Variants in OPCML observed in about 807,000 individuals in gnomAD.
OPCML encodes the protein opioid-binding protein/cell adhesion molecule.
OPCML carries 13 observed loss-of-function variants against 37.8 expected under a neutral mutation model. That is an observed-to-expected ratio of 0.34 (90% confidence interval 0.22 to 0.55). The LOEUF is 0.55. OPCML is among the 20% of genes least tolerant of loss of function. OPCML has a pLI of 0.91. For synonymous variants in OPCML, 176 were observed against 168.8 expected (o/e 1.04, Z -0.33); for missense variants, 341 against 435.6 (o/e 0.78, Z 1.93).
At chr11:133,458,902 T>TAC (rs1192872564) in intron 1 of OPCML, among the ~76,000 whole-genome samples, 3 of 150,914 alleles carry the variant, frequency 2.0e-5, no homozygotes, top group African/African-American at 7.3e-5. Flanking sequence ...TGTATATATA[T>TAC]ACACATATAT....
chr11:133,268,506 A>G (rs1169393630), intron 1 of OPCML, among the ~76,000 whole-genome samples: 1 of 152,250 alleles, frequency 6.6e-6, no homozygotes, highest in African/African-American at 2.4e-5. Context: ...GCTGATAATA[A>G]AATGTCTAGC....
In OPCML at chr11:132,638,186, T is replaced by TATATATATATATATAC. The variant is rs71067383; in HGVS notation, c.379+18900_379+18901insGTATATATATATATAT. ...GACTATATATATATATATATATATATACAGAGAGAGAGAGAGCATATATAC... is the reference window on the plus strand; with the variant it reads ...GACTATATATATATATATATATATATATATATATATATATACACAGAGAGAGAGAGAGCATATATAC... On this transcript the variant is annotated intron_variant, in intron 3 of 7. Transcript: ENST00000524381. 2.8e-3 allele frequency among the ~76,000 whole-genome samples: 370 copies of TATATATATATATATAC among 130,964 alleles called. 7 individuals are homozygous for TATATATATATATATAC. The highest frequency in any genetic ancestry group is 0.012 in the South Asian group (46 of 3,812). The allele number at this position is 130,964 out of a possible 152,430, so 85.9% of individuals were successfully genotyped here. A position where few individuals can be genotyped will look rare whatever the true frequency, so the allele number is the denominator to read the frequency against.
chr11:132,839,514 T>C (rs772814435), intron 2 of OPCML, among the ~76,000 whole-genome samples: 31 of 152,234 alleles, frequency 2.0e-4, no homozygotes, highest in Non-Finnish European at 2.8e-4. Flanking sequence ...AATAAGTTTG[T>C]GCAGGAGGCT....
chr11:132,778,961 C>CTTTT lies in OPCML; in HGVS notation c.147-121646_147-121643dup, dbSNP rs10657036. On this transcript the variant is annotated intron_variant, in intron 2 of 7. Coordinates refer to ENST00000524381, the MANE Select transcript of OPCML (RefSeq NM_001012393.5). ...TGAATTACACTGAGGTGGTATATTT[C>CTTTT]TTTTTTTTTTTTTTTTTTTTTTTGG... 3.2e-3 allele frequency among the ~76,000 whole-genome samples: 283 copies of CTTTT among 87,874 alleles called. 1 individual carries two copies. The highest frequency in any genetic ancestry group is 4.2e-3 in the Non-Finnish European group (195 of 46,534). The allele number at this position is 87,874 out of a possible 152,430, so 57.6% of individuals were successfully genotyped here. A position where few individuals can be genotyped will look rare whatever the true frequency, so the allele number is the denominator to read the frequency against.
chr11:133,487,601 A>C (rs1203490315), intron 1 of OPCML, among the ~76,000 whole-genome samples: 4 of 152,108 alleles, frequency 2.6e-5, no homozygotes, highest in Non-Finnish European at 5.9e-5. Context: ...GCTTATCATG[A>C]GTCCTCCCCA....
chr11:133,036,634 T>C (rs1178544479), intron 1 of OPCML, among the ~76,000 whole-genome samples: 2 of 152,332 alleles, frequency 1.3e-5, no homozygotes, highest in African/African-American at 4.8e-5. Context: ...CCTAATGTAT[T>C]CTATAGAGCA....
At chr11:132,910,118 G>C (rs1376242536) in intron 2 of OPCML, among the ~76,000 whole-genome samples, 1 of 152,170 alleles carries the variant, frequency 6.6e-6, no homozygotes, top group Non-Finnish European at 1.5e-5. Context: ...GGTACAGAAG[G>C]CACTCCTCCT....
intron 2 of OPCML, among the ~76,000 whole-genome samples, chr11:132,845,961 A>T (rs763190363): frequency 5.9e-5 from 9 of 152,176 alleles, no homozygotes; most frequent in Non-Finnish European, 1.2e-4. Context: ...CCCAGTGTGG[A>T]CACTTAACTT....
At chr11:132,737,291 C>A (rs1945290949) in intron 2 of OPCML, among the ~76,000 whole-genome samples, 1 of 152,146 alleles carries the variant, frequency 6.6e-6, no homozygotes, top group Non-Finnish European at 1.5e-5. Flanking sequence ...CCTTGGGTTG[C>A]AGTTTTTTGT....
At chr11:133,029,775 G>A (rs1446793697) in intron 1 of OPCML, among the ~76,000 whole-genome samples, 6 of 152,024 alleles carry the variant, frequency 3.9e-5, no homozygotes, top group Non-Finnish European at 7.4e-5. Flanking sequence ...TGCTACTCAG[G>A]TGACAGGATC....
intron 1 of OPCML, among the ~76,000 whole-genome samples, chr11:133,417,210 C>A (rs1310891816): frequency 6.6e-6 from 1 of 152,004 alleles, no homozygotes; most frequent in Non-Finnish European, 1.5e-5. Context: ...ATTAATTGAG[C>A]CGTAGGAGGG....
At position 133,205,570 on chromosome 11, in the gene OPCML, T is replaced by C. The variant is rs1939028859; in HGVS notation, c.62-262560A>G. Among the ~76,000 whole-genome samples the C allele has an allele frequency of 6.6e-6, 1 of 152,164 alleles. No individual in the cohort carries two copies. The highest frequency in any genetic ancestry group is 1.5e-5 in the Non-Finnish European group (1 of 68,028). ...ACTGACGCCGTCTCCAGGTAGACAGTGTCAGAATTGAATTGAATTGGAGAA... is the reference window on the plus strand; with the variant it reads ...ACTGACGCCGTCTCCAGGTAGACAGCGTCAGAATTGAATTGAATTGGAGAA... On this transcript the variant is annotated intron_variant, in intron 1 of 7. Coordinates refer to ENST00000524381, the MANE Select transcript of OPCML (RefSeq NM_001012393.5). This position sits in a 1 kb window ranked among gnomAD's most constrained non-coding sequence, Gnocchi z 4.8.
intron 3 of OPCML, 66 bp from the exon 4 acceptor site, chr11:132,529,252 C>T (rs541990737): frequency 2.0e-6 from 3 of 1,514,308 alleles, no homozygotes; most frequent in East Asian, 2.4e-5. Flanking sequence ...GAGGTGTTAG[C>T]CTACAAATTT....
intron 5 of OPCML, chr11:132,437,000 C>T (rs2096015366): frequency 1.1e-6 from 1 of 883,034 alleles, no homozygotes; most frequent in African/African-American, 1.8e-5. Context: ...CAAACCCATT[C>T]TCAGTTAACA....
At chr11:132,725,200 A>G (rs1477657827) in intron 2 of OPCML, among the ~76,000 whole-genome samples, 1 of 152,222 alleles carries the variant, frequency 6.6e-6, no homozygotes, top group Non-Finnish European at 1.5e-5. Context: ...CTGCCTGAAT[A>G]TCCAGGCGTT....
chr11:132,649,168 G>C (rs575608652), intron 3 of OPCML, among the ~76,000 whole-genome samples: 1 of 152,138 alleles, frequency 6.6e-6, no homozygotes, highest in Non-Finnish European at 1.5e-5. Flanking sequence ...GTATGTGTAC[G>C]TGGTGTCTGT....
chr11:132,583,369 G>C (rs60838184), intron 3 of OPCML, among the ~76,000 whole-genome samples: 4,478 of 152,192 alleles, frequency 0.029, 246 homozygotes, highest in African/African-American at 0.1. Flanking sequence ...TGTGATCATG[G>C]CTTATTGTAG....
intron 1 of OPCML, among the ~76,000 whole-genome samples, chr11:133,444,361 A>G (rs1946428420): frequency 6.6e-6 from 1 of 152,242 alleles, no homozygotes; most frequent in Non-Finnish European, 1.5e-5. Context: ...CATGTCTCTT[A>G]TACAAATATT....
chr11:133,350,348 C>T (rs1944106517), intron 1 of OPCML, among the ~76,000 whole-genome samples: 1 of 152,106 alleles, frequency 6.6e-6, no homozygotes, highest in Admixed American at 6.5e-5. Flanking sequence ...GTTTTTCAAC[C>T]ATGTATTTCA....
Sources: allele counts gnomAD v4.1 joint callset (sites outside exome capture counted in the v4.1 genomes callset), GRCh38; gene constraint gnomAD v4.1.1; non-coding constraint Gnocchi (gnomAD v3.1); transcripts MANE v1.5; gene names NCBI Gene and HGNC (gene_info 2026-07-23, HGNC 2026-07-21).